Variants in CROCC observed in about 807,000 individuals in gnomAD.
CROCC encodes the protein rootletin.
In CROCC, 180 loss-of-function variants were observed where a neutral mutation model predicts 245.2. That is an observed-to-expected ratio of 0.73 (90% CI 0.65 to 0.83). The LOEUF (loss-of-function observed/expected upper bound fraction) is 0.83, where lower values mean the gene tolerates loss of function less well. Among genes scored for constraint, CROCC ranks in the 40% least tolerant of loss-of-function variants. The pLI is 0.00. For synonymous variants in CROCC, 1,205 were observed against 1,241.6 expected (o/e 0.97, Z 0.62); for missense variants, 2,688 against 2,779.4 (o/e 0.97, Z 0.74).
intron 19 of CROCC, among the ~76,000 whole-genome samples, chr1:16,949,949 A>T (rs1336049436): frequency 7.1e-6 from 1 of 141,200 alleles, no homozygotes; most frequent in Admixed American, 7.2e-5. Flanking sequence ...TTATATTTTT[A>T]GTAGAGACGG....
At chr1:16,969,414 C>T in intron 32 of CROCC, 74 bp downstream of exon 32, 11 of 1,439,980 alleles carry the variant, frequency 7.6e-6, no homozygotes, top group Non-Finnish European at 1.0e-5. Context: ...TGGAGGGGGG[C>T]CCTGGTAGAG....
In CROCC at chr1:16,948,904, G is replaced by A. The variant is rs753470315; in HGVS notation, c.2814G>A (p.Leu938=). ...EQLEAEGQAL[L]LAKETLTGEL... is the part of the protein sequence containing the mutation. ...TGGAAGCCGAGGGGCAGGCCCTGCT[G>A]CTGGCCAAGGAGACCCTGACTGGTA... The change falls in exon 19 of 37, where the codon CTG becomes CTA. Residue 938 remains leucine (L), a synonymous_variant. Coordinates refer to ENST00000375541, the MANE Select transcript of CROCC (RefSeq NM_014675.5). 3.7e-6 allele frequency: 6 copies of A among 1,611,518 alleles called. No homozygotes were observed. The highest frequency in any genetic ancestry group is 5.1e-6 in the Non-Finnish European group (6 of 1,179,944).
chr1:16,960,521 C>A (rs914534273), intron 26 of CROCC, among the ~76,000 whole-genome samples: 4 of 152,210 alleles, frequency 2.6e-5, no homozygotes, highest in African/African-American at 9.7e-5. Flanking sequence ...GCTGTTATTA[C>A]TAATAAACTA....
chr1:16,933,466 C>G (rs1317546267), intron 8 of CROCC, among the ~76,000 whole-genome samples: 2 of 151,168 alleles, frequency 1.3e-5, no homozygotes, highest in Non-Finnish European at 2.9e-5. Flanking sequence ...AACTCTGTCT[C>G]GAAAAAAAAA....
At chr1:16,937,878 G>C (rs1332487658) in intron 10 of CROCC, 141 bp downstream of exon 10, 19 of 742,982 alleles carry the variant, frequency 2.6e-5, no homozygotes, top group Non-Finnish European at 4.4e-5. Flanking sequence ...AGGTGTGCAG[G>C]CTTTGTGGGA....
In CROCC at chr1:16,954,748, T is replaced by C. The variant is rs776872534; in HGVS notation, c.3336T>C (p.Ala1112=). The C allele has an allele frequency of 5.8e-6, 9 of 1,556,696 alleles. No individual in the cohort carries two copies. The South Asian group carries it at 9.5e-5, about 16-fold the overall frequency. Residue 1112 remains alanine, a synonymous_variant, in exon 23 of 37, where the codon GCT becomes GCC. Transcript: ENST00000375541. The surrounding 1 kb of genome is among the most constrained non-coding windows in gnomAD (Gnocchi z 4.4). ...CTCTGTCCCAGAGCACCGTGAACGCTCTGACGTCTGAGCTGCGGGACCTAC... is the reference window on the plus strand; with the variant it reads ...CTCTGTCCCAGAGCACCGTGAACGCCCTGACGTCTGAGCTGCGGGACCTAC... The part of the protein sequence containing the change: ...RQEQDRSTVN[A]LTSELRDLRA...
At chr1:16,922,156 G>C in intron 1 of CROCC, 78 bp downstream of exon 1, 1 of 1,354,816 alleles carries the variant, frequency 7.4e-7, no homozygotes, top group East Asian at 2.6e-5. Context: ...AGGTGTGTGC[G>C]TCTTGGGGAT....
intron 9 of CROCC, 88 bp downstream of exon 9, chr1:16,936,961 A>C: frequency 7.5e-7 from 1 of 1,341,462 alleles, no homozygotes; most frequent in Non-Finnish European, 1.0e-6. Flanking sequence ...TCTGTTCACT[A>C]GGGGAAGGGC....
chr1:16,966,651 C>G lies in CROCC; in HGVS notation c.4860+80C>G. On this transcript the variant is annotated intron_variant, in intron 30 of 36. Transcript: ENST00000375541. The surrounding 1 kb of genome is among the most constrained non-coding windows in gnomAD (Gnocchi z 4.8). The stretch of plus-strand genomic sequence containing the variant: ...GTGTCTAACTCTTATGTGTGTCTCC[C>G]TGTGTCTGTCTGCCTGAGTCTCTCT... 7.2e-7 allele frequency: 1 copy of G among 1,392,994 alleles called. No homozygotes were observed. The highest frequency in any genetic ancestry group is 9.4e-7 in the Non-Finnish European group (1 of 1,066,426). The allele number at this position is 1,392,994 out of a possible 1,614,324, so 86.3% of individuals were successfully genotyped here.
At chr1:16,915,013 C>G (rs1557560736) in intron 1 of CROCC, among the ~76,000 whole-genome samples, 1 of 152,258 alleles carries the variant, frequency 6.6e-6, no homozygotes, top group Non-Finnish European at 1.5e-5. Context: ...AGGCAAGACT[C>G]CAGGAGTCAA....
intron 13 of CROCC, among the ~76,000 whole-genome samples, chr1:16,943,882 C>T (rs1193866793): frequency 5.9e-5 from 9 of 152,406 alleles, no homozygotes; most frequent in South Asian, 4.1e-4. Context: ...CCATCCACTC[C>T]AAGTGGGCGG....
intron 26 of CROCC, among the ~76,000 whole-genome samples, chr1:16,960,352 A>G (rs2076310782): frequency 1.3e-5 from 2 of 152,216 alleles, no homozygotes; most frequent in African/African-American, 4.8e-5. Flanking sequence ...CCAGCTCTGC[A>G]GTTTACTAAC....
intron 20 of CROCC, chr1:16,951,960 C>G (rs1180727266): frequency 3.6e-5 from 3 of 82,708 alleles, no homozygotes; most frequent in East Asian, 4.2e-4. Context: ...GGCGCAATCT[C>G]GGCTCACTGC....
At chr1:16,940,221 T>C (rs1557603104) in intron 13 of CROCC, 128 bp downstream of exon 13, 1 of 1,020,668 alleles carries the variant, frequency 9.8e-7, no homozygotes, top group East Asian at 2.6e-5. Context: ...CCTATTAACG[T>C]TTATTTATTT....
chr1:16,963,056 G>T (rs977784179), intron 27 of CROCC, among the ~76,000 whole-genome samples: 3 of 151,424 alleles, frequency 2.0e-5, no homozygotes, highest in Admixed American at 2.0e-4. Flanking sequence ...GGTGGCAGAC[G>T]CCTGTAATCC....
At chr1:16,940,152 A>C in intron 13 of CROCC, 59 bp downstream of exon 13, 1 of 1,529,158 alleles carries the variant, frequency 6.5e-7, no homozygotes, top group East Asian at 2.4e-5. Context: ...TGGGCATAAC[A>C]CCAGTCAAGC....
At chr1:16,940,148 T>C in intron 13 of CROCC, 55 bp downstream of exon 13, 2 of 1,538,774 alleles carry the variant, frequency 1.3e-6, no homozygotes, top group Non-Finnish European at 1.8e-6. Context: ...CGTCTGGGCA[T>C]AACACCAGTC....
intron 13 of CROCC, among the ~76,000 whole-genome samples, chr1:16,942,593 C>A (rs537931011): frequency 6.1e-3 from 925 of 152,056 alleles, no homozygotes; most frequent in African/African-American, 0.021. Flanking sequence ...ATTTAGTCTT[C>A]CTGTCAAACT....
chr1:16,937,841 CCACT>C, intron 10 of CROCC, 104 bp downstream of exon 10: 1 of 995,336 alleles, frequency 1.0e-6, no homozygotes, highest in East Asian at 2.6e-5. Context: ...CCCCAGCGTC[CCACT>C]CACACTCAGG....
Sources: allele counts gnomAD v4.1 joint callset (sites outside exome capture counted in the v4.1 genomes callset), GRCh38; gene constraint gnomAD v4.1.1; non-coding constraint Gnocchi (gnomAD v3.1); transcripts MANE v1.5; gene names NCBI Gene and HGNC (gene_info 2026-07-23, HGNC 2026-07-21).